Variants in CBX3 observed in about 807,000 individuals in gnomAD.
The protein encoded by CBX3 is chromobox 3.
A neutral mutation model predicts 22.6 loss-of-function variants in CBX3; 5 were observed. The observed-to-expected ratio is 0.22, with a 90% CI of 0.12 to 0.47. The LOEUF (loss-of-function observed/expected upper bound fraction) is 0.47, where lower values mean the gene tolerates loss of function less well. Ranked by LOEUF, CBX3 falls within the 20% of genes least tolerant of loss-of-function variation. The probability of loss-of-function intolerance (pLI) is 0.99; values close to 1 mark genes in which losing one functional copy is unlikely to be tolerated. For synonymous variants in CBX3, 50 were observed against 66.6 expected, an observed-to-expected ratio of 0.75 and a Z score of 1.21; for missense variants, 83 against 208.1, an observed-to-expected ratio of 0.40 and a Z score of 3.70.
intron 4 of CBX3, among the ~76,000 whole-genome samples, chr7:26,211,367 A>G (rs899803623): frequency 7.9e-5 from 12 of 152,186 alleles, no homozygotes; most frequent in Non-Finnish European, 1.8e-4. Flanking sequence ...CCAGAAATAA[A>G]GAGGTTAGTT....
Position 26,208,708 on chromosome 7 carries a change from C to T in CBX3, c.330+153C>T, listed in dbSNP as rs181370157. 1.1e-3 allele frequency among the ~76,000 whole-genome samples: 171 copies of T among 152,086 alleles called. 2 individuals carry two copies. The highest frequency in any genetic ancestry group is 1.4e-3 in the Non-Finnish European group (98 of 67,990). On this transcript the variant is annotated intron_variant, in intron 4 of 5. Transcript: ENST00000396386. ...TGATCTTGGTCACTGCAACTGCCGC[C>T]TCCTGGGTTCAAGCGATTCTCCTGC...
intron 3 of CBX3, among the ~76,000 whole-genome samples, chr7:26,206,899 T>A (rs1784688578): frequency 6.6e-6 from 1 of 152,232 alleles, no homozygotes; most frequent in South Asian, 2.1e-4. Context: ...GGATTACATA[T>A]AATCTAGGCT....
upstream of CBX3, chr7:26,201,597 C>A (rs1283661402): frequency 6.6e-6 from 1 of 150,596 alleles, no homozygotes; most frequent in Admixed American, 6.6e-5. Context: ...CCGCCCTCCC[C>A]CTAGGGCCCC....
intron 3 of CBX3, among the ~76,000 whole-genome samples, chr7:26,207,601 C>T (rs1784708664): frequency 6.6e-6 from 1 of 152,042 alleles, no homozygotes; most frequent in African/African-American, 2.4e-5. Flanking sequence ...TCACTGCAAC[C>T]TCTGCCTTCC....
intron 3 of CBX3, among the ~76,000 whole-genome samples, chr7:26,207,630 T>C (rs2128137696): frequency 6.6e-6 from 1 of 152,214 alleles, no homozygotes; most frequent in South Asian, 2.1e-4. Flanking sequence ...GCGATTTTCC[T>C]GCCTCAGCCT....
intron 4 of CBX3, among the ~76,000 whole-genome samples, chr7:26,208,904 C>T (rs1270170819): frequency 1.4e-5 from 2 of 144,454 alleles, no homozygotes; most frequent in South Asian, 2.2e-4. Context: ...AGGCATGAGC[C>T]ACCACGCCTG....
At chr7:26,205,376 C>T (rs1347821317) in intron 2 of CBX3, among the ~76,000 whole-genome samples, 4 of 152,034 alleles carry the variant, frequency 2.6e-5, no homozygotes, top group Admixed American at 2.6e-4. Context: ...GGATTTTTTT[C>T]ACCTTAGGGA....
chr7:26,202,145 A>T (rs1001244284), intron 1 of CBX3: 4 of 151,540 alleles, frequency 2.6e-5, no homozygotes, highest in Admixed American at 6.6e-5. Context: ...CCCCTCCCCC[A>T]GCCGCCACGC....
chr7:26,208,951 T>TC (rs1361168301), intron 4 of CBX3, among the ~76,000 whole-genome samples: 1,257 of 117,862 alleles, frequency 0.011, 74 homozygotes, highest in African/African-American at 0.041. Flanking sequence ...TTTTTTTTTT[T>TC]CCTGGGAGAC....
At chr7:26,204,419 C>T (rs1014356715) in intron 2 of CBX3, among the ~76,000 whole-genome samples, 1 of 152,196 alleles carries the variant, frequency 6.6e-6, no homozygotes, top group African/African-American at 2.4e-5. Context: ...CCTTCTTGTA[C>T]TGTACAGTGG....
intron 3 of CBX3, among the ~76,000 whole-genome samples, chr7:26,207,680 G>A (rs901984204): frequency 2.0e-5 from 3 of 151,776 alleles, no homozygotes; most frequent in Non-Finnish European, 4.4e-5. Context: ...CACTATGCCC[G>A]GCTAATTTTT....
At chr7:26,207,294 A>G (rs1584037905) in intron 3 of CBX3, among the ~76,000 whole-genome samples, 1 of 152,224 alleles carries the variant, frequency 6.6e-6, no homozygotes, top group Non-Finnish European at 1.5e-5. Flanking sequence ...TATGAATTGA[A>G]TGGGAGATTT....
intron 4 of CBX3, among the ~76,000 whole-genome samples, chr7:26,209,018 A>C (rs2128138161): frequency 7.5e-6 from 1 of 133,860 alleles, no homozygotes; most frequent in African/African-American, 2.9e-5. Flanking sequence ...GGCTCACTGC[A>C]ACCTCCGCCT....
At chr7:26,203,072 T>C (rs549123702) in intron 2 of CBX3, 50 bp downstream of exon 2, 6 of 1,218,320 alleles carry the variant, frequency 4.9e-6, no homozygotes, top group Non-Finnish European at 6.9e-6. Flanking sequence ...CAAGTTTTTT[T>C]TCCCCACAGT....
chr7:26,211,077 C>CT (rs1164859057), intron 4 of CBX3, among the ~76,000 whole-genome samples: 2 of 121,366 alleles, frequency 1.6e-5, no homozygotes, highest in Non-Finnish European at 3.3e-5. Flanking sequence ...AGCTGATGAG[C>CT]TAAAAAAAAA....
chr7:26,202,946 C>G, intron 1 of CBX3, 25 bp from the exon 2 acceptor site: 3 of 1,489,188 alleles, frequency 2.0e-6, no homozygotes, highest in South Asian at 2.3e-5. Context: ...TGCAAACTTA[C>G]CTTAACTGTC....
At chr7:26,208,338 T>C in intron 3 of CBX3, 55 bp from the exon 4 acceptor site, 1 of 1,378,476 alleles carries the variant, frequency 7.3e-7, no homozygotes, top group South Asian at 1.3e-5. Context: ...TGGATAATGG[T>C]GATGAATCAT....
At chr7:26,202,332 T>C in intron 1 of CBX3, 1 of 152,324 alleles carries the variant, frequency 6.6e-6, no homozygotes. Context: ...TGCCGCGGCC[T>C]TTGTTTCTCC....
chr7:26,204,102 G>C (rs1048646012), intron 2 of CBX3, among the ~76,000 whole-genome samples: 2 of 152,064 alleles, frequency 1.3e-5, no homozygotes, highest in African/African-American at 4.8e-5. Flanking sequence ...AATTTATTTT[G>C]ACTCATCCAC....
Sources: allele counts gnomAD v4.1 joint callset (sites outside exome capture counted in the v4.1 genomes callset), GRCh38; gene constraint gnomAD v4.1.1; transcripts MANE v1.5; gene names NCBI Gene and HGNC (gene_info 2026-07-23, HGNC 2026-07-21).